Variants in TBXAS1 observed in about 807,000 individuals in gnomAD.
TBXAS1 encodes thromboxane-A synthase.
In TBXAS1, 48 loss-of-function variants were observed where a neutral mutation model predicts 60.7. That is an observed-to-expected ratio of 0.79 (90% CI 0.63 to 1.01). TBXAS1 has a LOEUF of 1.01. Ranked by LOEUF, TBXAS1 falls within the 50% of genes least tolerant of loss-of-function variation. The probability of loss-of-function intolerance (pLI) is 0.00; values close to 1 mark genes in which losing one functional copy is unlikely to be tolerated. For synonymous variants in TBXAS1, 287 were observed against 269.7 expected, an observed-to-expected ratio of 1.06 and a Z score of -0.63; for missense variants, 685 against 686.3, an observed-to-expected ratio of 1.00 and a Z score of 0.02.
intron 3 of TBXAS1, among the ~76,000 whole-genome samples, chr7:139,878,985 G>A (rs186788627): frequency 6.6e-6 from 1 of 152,236 alleles, no homozygotes; most frequent in African/African-American, 2.4e-5. Context: ...CTCACTGCTC[G>A]AGACTGGAAA....
In TBXAS1 at chr7:139,975,993, C is replaced by A. The variant is rs1422851526; in HGVS notation, c.1134+13760C>A. Among the ~76,000 whole-genome samples, 1 of 152,234 alleles carries A rather than the reference C, an allele frequency of 6.6e-6. No individual in the cohort carries two copies. Among genetic ancestry groups the A allele is most frequent in the Non-Finnish European group, 1.5e-5 (1 of 68,052 alleles). On this transcript the variant is annotated intron_variant, in intron 9 of 12. Coordinates refer to ENST00000448866, the MANE Select transcript of TBXAS1 (RefSeq NM_001061.7). The surrounding 1 kb of genome is among the most constrained non-coding windows in gnomAD (Gnocchi z 4.4). ...CTTCCATTTGTAAATGATCTTGTCT[C>A]CTTCCTTGTAGAAAGCTTTTCAGCC...
At chr7:139,786,918 T>C (rs1300368478) in intron 3 of TBXAS1, among the ~76,000 whole-genome samples, 1 of 152,216 alleles carries the variant, frequency 6.6e-6, no homozygotes, top group Non-Finnish European at 1.5e-5. Flanking sequence ...ATTAGAGTGA[T>C]GTCTTGCAAG....
At chr7:139,824,954 A>G (rs6952322), upstream of TBXAS1, among the ~76,000 whole-genome samples, 102,808 of 150,784 alleles carry the variant, frequency 0.68, 36,804 homozygotes, top group East Asian at 0.92. Flanking sequence ...CTCAGCCTCC[A>G]AAGTAGCTGG....
intron 4 of TBXAS1, among the ~76,000 whole-genome samples, chr7:139,797,815 T>A (rs1199306703): frequency 6.6e-6 from 1 of 152,232 alleles, no homozygotes; most frequent in African/African-American, 2.4e-5. Context: ...AAAGCCACAC[T>A]GCCCTCAGAG....
chr7:140,010,724 C>T (rs1343069093), intron 10 of TBXAS1, among the ~76,000 whole-genome samples: 1 of 152,168 alleles, frequency 6.6e-6, no homozygotes, highest in Non-Finnish European at 1.5e-5. Context: ...CACGCCCTGG[C>T]CTTTTTCTGT....
At chr7:139,816,486 C>T (rs1361683358) in intron 4 of TBXAS1, among the ~76,000 whole-genome samples, 1 of 151,818 alleles carries the variant, frequency 6.6e-6, no homozygotes, top group Non-Finnish European at 1.5e-5. Flanking sequence ...TTCAGTTGGT[C>T]TGGGTAGGGT....
intron 4 of TBXAS1, among the ~76,000 whole-genome samples, chr7:139,912,251 T>C (rs1460496756): frequency 6.6e-6 from 1 of 151,320 alleles, no homozygotes; most frequent in African/African-American, 2.4e-5. Context: ...CTCAAAAAAA[T>C]TAAATAAATA....
rs563436096 is a variant in TBXAS1, at chr7:139,841,341, A to T, written c.89+11862A>T. ...TTTCAGGTGGGGAAGTACCCCAGGCAAAGACAACATTAGTGTTTGTAACAT... is the reference window on the plus strand; with the variant it reads ...TTTCAGGTGGGGAAGTACCCCAGGCTAAGACAACATTAGTGTTTGTAACAT... On this transcript the variant is annotated intron_variant, in intron 1 of 12. Transcript: ENST00000448866. Among the ~76,000 whole-genome samples, 4 of 152,364 alleles carry T rather than the reference A, an allele frequency of 2.6e-5. No individual in the cohort carries two copies. In the South Asian group the frequency reaches 8.3e-4, roughly 32 times the overall value.
upstream of TBXAS1, among the ~76,000 whole-genome samples, chr7:139,825,657 A>T (rs576416165): frequency 7.3e-4 from 111 of 152,284 alleles, no homozygotes; most frequent in Middle Eastern, 3.4e-3. Flanking sequence ...GCACGTTCTA[A>T]ATCAAGTGCC....
chr7:139,971,597 T>G (rs1307448082), intron 9 of TBXAS1, among the ~76,000 whole-genome samples: 3 of 152,042 alleles, frequency 2.0e-5, no homozygotes, highest in Non-Finnish European at 4.4e-5. Context: ...TGCCAAGACC[T>G]TCCTCTGCCC....
chr7:140,017,555 C>T, intron 11 of TBXAS1, 116 bp from the exon 12 acceptor site: 4 of 1,400,930 alleles, frequency 2.9e-6, no homozygotes, highest in Non-Finnish European at 3.9e-6. Flanking sequence ...GCCATCAGCT[C>T]CCAGAGCCTT....
intron 4 of TBXAS1, among the ~76,000 whole-genome samples, chr7:139,805,699 TTTC>T (rs1797840912): frequency 5.4e-5 from 2 of 37,184 alleles, no homozygotes; most frequent in Admixed American, 6.8e-4. Flanking sequence ...TCTTTCTTTC[TTTC>T]TTTCTTTCTT....
chr7:139,913,910 A>T (rs1805744966), intron 4 of TBXAS1: 1 of 152,402 alleles, frequency 6.6e-6, no homozygotes, highest in Non-Finnish European at 1.5e-5. Context: ...CTCCCTGCTC[A>T]CCCTCACCTG....
At chr7:139,985,504 A>G (rs2117551948) in intron 9 of TBXAS1, among the ~76,000 whole-genome samples, 1 of 151,918 alleles carries the variant, frequency 6.6e-6, no homozygotes, top group Non-Finnish European at 1.5e-5. Context: ...GAATTTATCT[A>G]AATTTATCTC....
intron 1 of TBXAS1, among the ~76,000 whole-genome samples, chr7:139,865,149 G>A (rs1395957008): frequency 6.6e-6 from 1 of 152,188 alleles, no homozygotes; most frequent in Admixed American, 6.5e-5. Context: ...AGAGGGGGCT[G>A]AACATGAGGA....
chr7:139,961,997 G>A lies in TBXAS1; in HGVS notation c.898G>A (p.Val300Ile), dbSNP rs773843069. Reference protein sequence around the residue: ...SPMGVQDFDIVRDVFSSTGCK... With the variant: ...SPMGVQDFDIIRDVFSSTGCK... ...CATGGGCGTGCAAGACTTTGACATC[G>A]TCAGAGACGTTTTCTCCTCTACTGG... Residue 300 changes from valine to isoleucine, a missense_variant, in exon 9 of 13, where the codon GTC (valine) becomes ATC (isoleucine). By Grantham distance (29) the Val-to-Ile change is conservative. Transcript: ENST00000448866. 2.7e-5 allele frequency: 43 copies of A among 1,614,098 alleles called. No individual in the cohort carries two copies. The highest frequency in any genetic ancestry group is 9.3e-5 in the African/African-American group (7 of 74,916).
chr7:139,903,231 T>C (rs934461989), intron 3 of TBXAS1, among the ~76,000 whole-genome samples: 1 of 152,120 alleles, frequency 6.6e-6, no homozygotes, highest in Non-Finnish European at 1.5e-5. Flanking sequence ...TCACTCAGAA[T>C]AATACTCTCC....
At chr7:139,955,676 G>A (rs1183717493) in intron 7 of TBXAS1, 69 bp downstream of exon 7, 39 of 1,603,456 alleles carry the variant, frequency 2.4e-5, no homozygotes, top group African/African-American at 4.0e-5. Flanking sequence ...TGACACCTGG[G>A]GTGGCTTCTG....
At chr7:139,784,239 T>TCTTCCTTCCTTC (rs779302310) in intron 3 of TBXAS1, among the ~76,000 whole-genome samples, 1 of 147,198 alleles carries the variant, frequency 6.8e-6, no homozygotes, top group Non-Finnish European at 1.5e-5. Context: ...TCTCTCTCTC[T>TCTTCCTTCCTTC]CTTCCTTCCT....
Sources: allele counts gnomAD v4.1 joint callset (sites outside exome capture counted in the v4.1 genomes callset), GRCh38; gene constraint gnomAD v4.1.1; non-coding constraint Gnocchi (gnomAD v3.1); transcripts MANE v1.5; gene names NCBI Gene and HGNC (gene_info 2026-07-23, HGNC 2026-07-21).